Variants in DTNBP1 observed in about 807,000 individuals in gnomAD.
DTNBP1 encodes the protein dysbindin.
A neutral mutation model predicts 42.8 loss-of-function variants in DTNBP1; 35 were observed. The observed-to-expected ratio is 0.82, with a 90% CI of 0.63 to 1.09. DTNBP1 has a LOEUF of 1.09. Among genes scored for constraint, DTNBP1 ranks in the 50% least tolerant of loss-of-function variants. The pLI, the probability that DTNBP1 is intolerant of heterozygous loss-of-function variation, is 0.00. For missense variants in DTNBP1, 457 were observed against 424.2 expected (o/e 1.08, Z -0.68); for synonymous variants, 171 against 162.2 (o/e 1.05, Z -0.41).
chr6:15,545,184 C>T (rs1208260910), intron 7 of DTNBP1, among the ~76,000 whole-genome samples: 1 of 151,986 alleles, frequency 6.6e-6, no homozygotes. Context: ...AAAAAAGACC[C>T]GTAAAAGTAT....
chr6:15,588,497 A>G (rs1474647255), intron 7 of DTNBP1, among the ~76,000 whole-genome samples: 1 of 152,180 alleles, frequency 6.6e-6, no homozygotes, highest in Non-Finnish European at 1.5e-5. Context: ...CAGAAAATTG[A>G]CATTTAAAAG....
intron 7 of DTNBP1, among the ~76,000 whole-genome samples, chr6:15,534,212 C>T (rs1363472295): frequency 6.6e-6 from 1 of 152,158 alleles, no homozygotes; most frequent in African/African-American, 2.4e-5. Context: ...TACAGATTTT[C>T]AGTTTTACAA....
chr6:15,588,156 C>A (rs1391389985), intron 7 of DTNBP1, among the ~76,000 whole-genome samples: 1 of 152,138 alleles, frequency 6.6e-6, no homozygotes, highest in Non-Finnish European at 1.5e-5. Flanking sequence ...ATTAATTCAG[C>A]AATAAAAAGG....
intron 6 of DTNBP1, among the ~76,000 whole-genome samples, chr6:15,601,338 GA>G (rs1355120252): frequency 6.6e-6 from 1 of 152,086 alleles, no homozygotes; most frequent in African/African-American, 2.4e-5. Flanking sequence ...TTTTAATTAA[GA>G]AATATTCTTA....
intron 6 of DTNBP1, among the ~76,000 whole-genome samples, chr6:15,610,321 T>C (rs1267217241): frequency 6.6e-6 from 1 of 152,180 alleles, no homozygotes; most frequent in Non-Finnish European, 1.5e-5. Flanking sequence ...ACAAGCCCCA[T>C]AAATGTTGTA....
At chr6:15,628,348 T>C (rs1232362687) in intron 4 of DTNBP1, among the ~76,000 whole-genome samples, 1 of 150,140 alleles carries the variant, frequency 6.7e-6, no homozygotes. Flanking sequence ...CAGAAGAAAA[T>C]GAATTTGAGT....
chr6:15,556,558 A>G (rs1774534304), intron 7 of DTNBP1, among the ~76,000 whole-genome samples: 2 of 152,162 alleles, frequency 1.3e-5, no homozygotes, highest in Non-Finnish European at 2.9e-5. Context: ...ACAGAAGCAC[A>G]TGGGACATGG....
At chr6:15,617,846 CA>C (rs1450663183) in intron 5 of DTNBP1, among the ~76,000 whole-genome samples, 2 of 151,982 alleles carry the variant, frequency 1.3e-5, no homozygotes, top group African/African-American at 4.8e-5. Flanking sequence ...CCTCAAGACA[CA>C]AGCGACAAAA....
At chr6:15,584,936 C>T (rs2113594166) in intron 7 of DTNBP1, among the ~76,000 whole-genome samples, 1 of 147,672 alleles carries the variant, frequency 6.8e-6, no homozygotes, top group Non-Finnish European at 1.5e-5. Context: ...GCAGTAAGTT[C>T]CACAACTTCA....
At chr6:15,622,152 T>C (rs911316908) in intron 5 of DTNBP1, among the ~76,000 whole-genome samples, 1 of 152,246 alleles carries the variant, frequency 6.6e-6, no homozygotes, top group Admixed American at 6.5e-5. Flanking sequence ...AAACTATTCA[T>C]GGTCATCTAG....
At chr6:15,661,722 C>T (rs960604541) in intron 1 of DTNBP1, among the ~76,000 whole-genome samples, 2 of 152,196 alleles carry the variant, frequency 1.3e-5, no homozygotes, top group African/African-American at 4.8e-5. Flanking sequence ...CATCCTCCAA[C>T]AGGATTTGTA....
chr6:15,586,190 T>C (rs1005060606), intron 7 of DTNBP1, among the ~76,000 whole-genome samples: 2 of 152,266 alleles, frequency 1.3e-5, no homozygotes, highest in Non-Finnish European at 2.9e-5. Flanking sequence ...AAATTAAAAA[T>C]ATAGTTCATT....
intron 7 of DTNBP1, among the ~76,000 whole-genome samples, chr6:15,544,899 G>C (rs919209988): frequency 6.6e-6 from 1 of 151,996 alleles, no homozygotes; most frequent in Admixed American, 6.5e-5. Flanking sequence ...TTCAATAATT[G>C]CTGTTTCCAA....
At chr6:15,661,595 G>A (rs1465304382) in intron 1 of DTNBP1, among the ~76,000 whole-genome samples, 1 of 130,836 alleles carries the variant, frequency 7.6e-6, no homozygotes, top group Non-Finnish European at 1.6e-5. Context: ...GCAGTGAGCC[G>A]AGATCACGCC....
At chr6:15,638,757 A>C (rs1278342321) in intron 3 of DTNBP1, among the ~76,000 whole-genome samples, 1 of 152,220 alleles carries the variant, frequency 6.6e-6, no homozygotes, top group Non-Finnish European at 1.5e-5. Flanking sequence ...ATTCTTACCA[A>C]AAAAGTACTA....
chr6:15,523,264 T>C, intron 9 of DTNBP1, 45 bp from the exon 10 acceptor site: 1 of 1,612,098 alleles, frequency 6.2e-7, no homozygotes, highest in Non-Finnish European at 8.5e-7. Flanking sequence ...ATAAAAATAT[T>C]GTGAATCAGA....
chr6:15,566,501 A>G (rs935903942), intron 7 of DTNBP1, among the ~76,000 whole-genome samples: 16 of 152,086 alleles, frequency 1.1e-4, no homozygotes, highest in Non-Finnish European at 2.2e-4. Flanking sequence ...ACTAACTTTA[A>G]AACACAGATC....
At chr6:15,612,204 T>C (rs1758444892) in intron 6 of DTNBP1, among the ~76,000 whole-genome samples, 1 of 152,136 alleles carries the variant, frequency 6.6e-6, no homozygotes, top group Non-Finnish European at 1.5e-5. Context: ...CTCTCCACCA[T>C]CAAAAAGATT....
intron 3 of DTNBP1, among the ~76,000 whole-genome samples, chr6:15,643,292 G>A (rs982066156): frequency 1.3e-5 from 2 of 152,120 alleles, no homozygotes; most frequent in Admixed American, 6.5e-5. Flanking sequence ...CAAGAAATAT[G>A]GGATTATGTA....
Sources: allele counts gnomAD v4.1 joint callset (sites outside exome capture counted in the v4.1 genomes callset), GRCh38; gene constraint gnomAD v4.1.1; transcripts MANE v1.5; gene names NCBI Gene and HGNC (gene_info 2026-07-23, HGNC 2026-07-21).